Variants in ZC3H13 observed in about 807,000 individuals in gnomAD.
The protein encoded by ZC3H13 is zinc finger CCCH domain-containing protein 13.
ZC3H13 carries 64 observed loss-of-function variants against 204.1 expected under a neutral mutation model. The observed-to-expected ratio is 0.31, with a 90% confidence interval of 0.26 to 0.39. The LOEUF is 0.39. ZC3H13 is among the 10% of genes least tolerant of loss of function. ZC3H13 has a pLI of 1.00. For synonymous variants in ZC3H13, 667 were observed against 693.7 expected (o/e 0.96, Z 0.60); for missense variants, 1,833 against 2,082.7 (o/e 0.88, Z 2.33).
At chr13:46,003,603 CT>C (rs1354376639) in intron 7 of ZC3H13, among the ~76,000 whole-genome samples, 1 of 151,992 alleles carries the variant, frequency 6.6e-6, no homozygotes, top group African/African-American at 2.4e-5. Flanking sequence ...TAGGAAGACA[CT>C]TTCAGAAAAG....
At chr13:46,007,680 T>C (rs1283302127) in intron 7 of ZC3H13, among the ~76,000 whole-genome samples, 1 of 152,194 alleles carries the variant, frequency 6.6e-6, no homozygotes, top group African/African-American at 2.4e-5. Context: ...AGGCCAAAAC[T>C]GGTTTTGTGT....
intron 4 of ZC3H13, among the ~76,000 whole-genome samples, chr13:46,029,826 C>A (rs1380227807): frequency 1.3e-5 from 2 of 152,156 alleles, no homozygotes; most frequent in African/African-American, 2.4e-5. Context: ...CAATATCTCT[C>A]ATGAATAATA....
At chr13:45,982,309 T>C (rs1463281677) in intron 10 of ZC3H13, among the ~76,000 whole-genome samples, 1 of 151,974 alleles carries the variant, frequency 6.6e-6, no homozygotes, top group African/African-American at 2.4e-5. Context: ...AGGCTACATA[T>C]AACATCTAGG....
intron 4 of ZC3H13, among the ~76,000 whole-genome samples, chr13:46,038,590 A>C (rs1220556099): frequency 6.6e-6 from 1 of 152,204 alleles, no homozygotes; most frequent in Non-Finnish European, 1.5e-5. Context: ...TGCCTATGTA[A>C]TCTATTCCAC....
chr13:45,956,977 C>A lies in ZC3H13; in HGVS notation c.*150G>T. 1 of 681,440 alleles carries A rather than the reference C, an allele frequency of 1.5e-6. No individual in the cohort carries two copies. The allele number at this position is 681,440 out of a possible 1,614,324, so 42.2% of individuals were successfully genotyped here. On this transcript the variant is annotated 3_prime_UTR_variant, in exon 19 of 19. Coordinates refer to ENST00000679008, the MANE Select transcript of ZC3H13 (RefSeq NM_001330564.2). The stretch of plus-strand genomic sequence containing the variant: ...ATCTTAAGTTGGCCAAAACTAGTGT[C>A]TCTAAAGATCAAAATTCTTCACTCT...
chr13:46,045,136 T>A, intron 2 of ZC3H13, 72 bp from the exon 3 acceptor site: 1 of 1,344,092 alleles, frequency 7.4e-7, no homozygotes, highest in Non-Finnish European at 1.0e-6. Context: ...GGGACAAAAT[T>A]AAAACAAATG....
rs144621814 is a variant in ZC3H13, at chr13:45,970,409, C to T, written c.2525G>A (p.Arg842His). Reference protein sequence around the residue: ...PSPRQSPKRRREHSPDSDAYN... With the variant: ...PSPRQSPKRRHEHSPDSDAYN... ...GGCATCACTGTCCGGAGAATGTTCA[C>T]GCCGGCGCTTCGGGGACTGTCTAGG... Residue 842 changes from arginine (R) to histidine (H), a missense_variant, in exon 13 of 19, where the codon CGT (arginine) becomes CAT (histidine). Around this residue, in one of 5 missense-constraint regions of ZC3H13, gnomAD observed 1,574 missense variants for 1,757.2 expected, o/e 0.90. Transcript: ENST00000679008. The T allele has an allele frequency of 6.7e-5, 108 of 1,613,856 alleles. No individual in the cohort carries two copies. The highest frequency in any genetic ancestry group is 7.8e-5 in the Non-Finnish European group (92 of 1,179,888).
At chr13:46,007,612 C>G (rs2041245474) in intron 7 of ZC3H13, among the ~76,000 whole-genome samples, 1 of 152,114 alleles carries the variant, frequency 6.6e-6, no homozygotes, top group Non-Finnish European at 1.5e-5. Context: ...TTCACATTAC[C>G]ATCAAAATTA....
chr13:46,036,810 C>T (rs1462529779), intron 4 of ZC3H13, among the ~76,000 whole-genome samples: 9 of 152,140 alleles, frequency 5.9e-5, no homozygotes, highest in Admixed American at 5.2e-4. Flanking sequence ...CCTCCGCCTC[C>T]CAGGCTCAAG....
At chr13:46,021,721 A>T (rs1211668835) in intron 4 of ZC3H13, among the ~76,000 whole-genome samples, 1 of 151,938 alleles carries the variant, frequency 6.6e-6, no homozygotes, top group Non-Finnish European at 1.5e-5. Flanking sequence ...CTGCCATGAA[A>T]AAAATGGTGA....
intron 1 of ZC3H13, chr13:46,052,022 CAAGT>C (rs2044481509): frequency 8.0e-6 from 1 of 124,844 alleles, no homozygotes; most frequent in South Asian, 2.4e-4. Flanking sequence ...AGACCAATCA[CAAGT>C]AAGATGTTTT....
At chr13:45,988,346 C>T (rs1488601493) in intron 9 of ZC3H13, among the ~76,000 whole-genome samples, 1 of 152,138 alleles carries the variant, frequency 6.6e-6, no homozygotes, top group Non-Finnish European at 1.5e-5. Flanking sequence ...CAAGCTCCGC[C>T]TCCCGGGTTC....
Position 45,969,069 on chromosome 13 carries a change from TTC to T in ZC3H13, c.3473_3474del (p.Arg1158LysfsTer40). On this transcript the variant is annotated frameshift_variant, in exon 14 of 19. Transcript: ENST00000679008. LOFTEE classifies it high-confidence loss of function. ...NNTFANEDSH[R>X]KCHRTRVEKV... ...TTTTCTACTCGTGTTCTGTGGCATT[TTC>T]TGTGTGAGTCTTCATTGGCAAAAGT... The T allele has an allele frequency of 6.2e-7, 1 of 1,614,214 alleles. No individual in the cohort carries two copies. Among genetic ancestry groups the T allele is most frequent in the Non-Finnish European group, 8.5e-7 (1 of 1,180,032 alleles).
intron 4 of ZC3H13, among the ~76,000 whole-genome samples, chr13:46,030,138 T>C (rs1354032659): frequency 6.6e-6 from 1 of 152,116 alleles, no homozygotes; most frequent in African/African-American, 2.4e-5. Context: ...CACATGATTA[T>C]ATCAATAGCT....
chr13:45,978,944 A>G (rs1399365664), intron 11 of ZC3H13, among the ~76,000 whole-genome samples: 1 of 152,052 alleles, frequency 6.6e-6, no homozygotes, highest in Non-Finnish European at 1.5e-5. Context: ...TGCTCCCAAA[A>G]GTAGATGATG....
chr13:46,042,188 T>C lies in ZC3H13; in HGVS notation c.315A>G (p.Thr105=). Residue 105 remains threonine, a synonymous_variant, in exon 4 of 19, where the codon ACA becomes ACG. Coordinates refer to ENST00000679008, the MANE Select transcript of ZC3H13 (RefSeq NM_001330564.2). ...DVDTEPQKRN[T]EESSSPVRKE... is the part of the protein sequence containing the mutation. The stretch of plus-strand genomic sequence containing the variant: ...CCCTAACAGGTGAGGATGACTCCTC[T>C]GTATTTCGTTTCTGGGGCTCAGTGT... 2 of 1,613,464 alleles carry C rather than the reference T, an allele frequency of 1.2e-6. No individual in the cohort carries two copies. The highest frequency in any genetic ancestry group is 1.7e-6 in the Non-Finnish European group (2 of 1,179,440).
chr13:45,980,850 G>A (rs915559729), intron 10 of ZC3H13, among the ~76,000 whole-genome samples: 2 of 152,128 alleles, frequency 1.3e-5, no homozygotes, highest in East Asian at 1.9e-4. Context: ...CTACACATAT[G>A]ATAAAACTAC....
rs776392145 is a variant in ZC3H13 at position 45,985,382 on chromosome 13, A to G, written c.1635T>C (p.Asn545=). 1 of 1,614,208 alleles carries G rather than the reference A, an allele frequency of 6.2e-7. No homozygotes were observed. Among genetic ancestry groups the G allele is most frequent in the Admixed American group, 1.7e-5 (1 of 60,030 alleles). The part of the protein sequence containing the change: ...REESSRTEIR[N]ESRNESRSEI... Reference sequence around the variant, plus strand: ...CACTTCGAGACTCATTTCTGGACTCATTCCTTATTTCCGTACGAGAACTTT... The same window carrying G: ...CACTTCGAGACTCATTTCTGGACTCGTTCCTTATTTCCGTACGAGAACTTT... The change falls in exon 10 of 19, where the codon AAT becomes AAC. Residue 545 remains asparagine, a synonymous_variant. Transcript: ENST00000679008.
intron 11 of ZC3H13, among the ~76,000 whole-genome samples, chr13:45,976,900 G>A (rs534433526): frequency 6.6e-5 from 10 of 152,250 alleles, no homozygotes; most frequent in African/African-American, 2.4e-4. Flanking sequence ...ATTTTAGGAT[G>A]TTTCTAGGAA....
Sources: allele counts gnomAD v4.1 joint callset (sites outside exome capture counted in the v4.1 genomes callset), GRCh38; gene constraint gnomAD v4.1.1; regional missense constraint gnomAD v4.1.1; transcripts MANE v1.5; gene names NCBI Gene and HGNC (gene_info 2026-07-23, HGNC 2026-07-21).